Variants in KIAA0513 observed in about 807,000 individuals in gnomAD.
The protein encoded by KIAA0513 is KIAA0513.
A neutral mutation model predicts 56.5 loss-of-function variants in KIAA0513; 39 were observed. The observed-to-expected ratio is 0.69, with a 90% CI of 0.53 to 0.90. The LOEUF is 0.90. Ranked by LOEUF, KIAA0513 falls within the 40% of genes least tolerant of loss-of-function variation. The pLI is 0.00. For missense variants in KIAA0513, 591 were observed against 535.2 expected, an observed-to-expected ratio of 1.10 and a Z score of -1.03; for synonymous variants, 268 against 215.6, an observed-to-expected ratio of 1.24 and a Z score of -2.13.
intron 1 of KIAA0513, among the ~76,000 whole-genome samples, chr16:85,054,583 C>T (rs1298391177): frequency 6.6e-6 from 1 of 151,876 alleles, no homozygotes; most frequent in African/African-American, 2.4e-5. Context: ...GTGTGCACCA[C>T]CACACCTGGC....
rs1312373952 is a variant in KIAA0513, at chr16:85,032,308, G to A, written c.-173+4450G>A. ...TCTCCTCTTAAAAGGGCACCAGTCG[G>A]ATTGGACCTGGGGTCCACACTACTC... is the stretch of plus-strand genomic sequence containing the variant. On this transcript the variant is annotated intron_variant, in intron 1 of 12. Transcript: ENST00000683363. Among the ~76,000 whole-genome samples the A allele has an allele frequency of 9.2e-5, 14 of 152,338 alleles. No homozygotes were observed. In the South Asian group the frequency reaches 2.5e-3, roughly 27 times the overall value.
At chr16:85,049,202 T>TGGCTC (rs1432233401) in intron 1 of KIAA0513, among the ~76,000 whole-genome samples, 2 of 152,252 alleles carry the variant, frequency 1.3e-5, no homozygotes, top group African/African-American at 4.8e-5. Flanking sequence ...CAGACACTAG[T>TGGCTC]GGCTCTTGAG....
chr16:85,049,037 A>G (rs1457378480), intron 1 of KIAA0513, among the ~76,000 whole-genome samples: 1 of 152,230 alleles, frequency 6.6e-6, no homozygotes. Context: ...TGAAGACACC[A>G]ACACCGAGTG....
chr16:85,046,027 A>G (rs1267855957), intron 1 of KIAA0513, among the ~76,000 whole-genome samples: 1 of 152,144 alleles, frequency 6.6e-6, no homozygotes, highest in African/African-American at 2.4e-5. Context: ...GGGTCGTGCC[A>G]CAGCCCCTGG....
intron 1 of KIAA0513, among the ~76,000 whole-genome samples, chr16:85,049,757 T>C (rs577203929): frequency 6.6e-6 from 1 of 152,318 alleles, no homozygotes; most frequent in African/African-American, 2.4e-5. Flanking sequence ...ACCTTTGGTT[T>C]TATTCTTTAT....
At chr16:85,038,039 C>A (rs533779962) in intron 1 of KIAA0513, among the ~76,000 whole-genome samples, 2 of 152,332 alleles carry the variant, frequency 1.3e-5, no homozygotes, top group South Asian at 4.1e-4. Context: ...CCTCTAGTTG[C>A]TCCTGGGATG....
chr16:85,079,097 G>C (rs1174994992), intron 8 of KIAA0513, 94 bp downstream of exon 8: 10 of 1,593,086 alleles, frequency 6.3e-6, no homozygotes, highest in African/African-American at 1.3e-5. Context: ...GTCCCCATCA[G>C]AATGGCAGAA....
At chr16:85,061,868 A>G (rs1183292758) in intron 1 of KIAA0513, among the ~76,000 whole-genome samples, 1 of 152,154 alleles carries the variant, frequency 6.6e-6, no homozygotes, top group Non-Finnish European at 1.5e-5. Flanking sequence ...CCCCTCCAGA[A>G]TACAGACCGC....
chr16:85,064,872 A>G (rs2143999128), intron 1 of KIAA0513, among the ~76,000 whole-genome samples: 1 of 152,202 alleles, frequency 6.6e-6, no homozygotes, highest in Non-Finnish European at 1.5e-5. Context: ...TGTAGTAGAG[A>G]TGGGGTTTCA....
intron 1 of KIAA0513, among the ~76,000 whole-genome samples, chr16:85,033,724 C>A (rs188067912): frequency 3.3e-5 from 5 of 152,190 alleles, no homozygotes; most frequent in Admixed American, 3.3e-4. Context: ...TATCTGGTGA[C>A]TGGCACTGGC....
intron 6 of KIAA0513, among the ~76,000 whole-genome samples, chr16:85,077,911 TCTC>T (rs2073682662): frequency 6.6e-6 from 1 of 152,110 alleles, no homozygotes; most frequent in African/African-American, 2.4e-5. Context: ...CTCCCTTCTG[TCTC>T]CTCTGTCCCC....
At chr16:85,032,572 A>G (rs1482318350) in intron 1 of KIAA0513, among the ~76,000 whole-genome samples, 1 of 151,898 alleles carries the variant, frequency 6.6e-6, no homozygotes, top group African/African-American at 2.4e-5. Context: ...ACCTCAAGTG[A>G]TCCTCCTGCC....
At chr16:85,033,541 C>T (rs995018951) in intron 1 of KIAA0513, among the ~76,000 whole-genome samples, 5 of 152,166 alleles carry the variant, frequency 3.3e-5, no homozygotes, top group East Asian at 1.9e-4. Flanking sequence ...AGCCTCCTCC[C>T]GTGTGTAATT....
chr16:85,037,360 A>G (rs2073048725), intron 1 of KIAA0513, among the ~76,000 whole-genome samples: 1 of 152,146 alleles, frequency 6.6e-6, no homozygotes, highest in South Asian at 2.1e-4. Context: ...TCCTTGAGTC[A>G]GGGGATATCG....
Position 85,083,677 on chromosome 16 carries a change from AG to A in KIAA0513, c.1010+1086del, listed in dbSNP as rs889162544. 1.6e-4 allele frequency among the ~76,000 whole-genome samples: 24 copies of A among 152,272 alleles called. 1 individual carries two copies. The highest frequency in any genetic ancestry group is 1.4e-3 in the East Asian group (7 of 5,174). ...GCTGGCCTCTTGGGCCTTCTCACCG[AG>A]GCAGATTCGCTTTGACCACCCATAG... On this transcript the variant is annotated intron_variant, in intron 10 of 12. Coordinates refer to ENST00000683363, the MANE Select transcript of KIAA0513 (RefSeq NM_001388359.1).
chr16:85,054,828 C>T (rs184484954), intron 1 of KIAA0513, among the ~76,000 whole-genome samples: 98 of 152,174 alleles, frequency 6.4e-4, no homozygotes, highest in African/African-American at 2.3e-3. Flanking sequence ...AAGGGGATGG[C>T]AATGTTGTAC....
At chr16:85,079,487 C>T (rs555415084) in intron 8 of KIAA0513, 14 of 168,440 alleles carry the variant, frequency 8.3e-5, no homozygotes, top group South Asian at 1.6e-4. Flanking sequence ...TGCTGCTCCA[C>T]GCTGTAGCAG....
chr16:85,059,386 C>T (rs1186747661), intron 1 of KIAA0513, among the ~76,000 whole-genome samples: 1 of 152,224 alleles, frequency 6.6e-6, no homozygotes, highest in Non-Finnish European at 1.5e-5. Flanking sequence ...ACATTCTCAG[C>T]CCCTTGAGCT....
At chr16:85,051,025 G>C (rs909444150) in intron 1 of KIAA0513, among the ~76,000 whole-genome samples, 1 of 152,106 alleles carries the variant, frequency 6.6e-6, no homozygotes, top group Non-Finnish European at 1.5e-5. Context: ...CAGGCATGGT[G>C]GTGCAGCTAC....
Sources: gnomAD v4.1 joint callset for allele counts (sites outside exome capture counted in the v4.1 genomes callset) on GRCh38, gnomAD v4.1.1 for gene constraint, MANE v1.5 for transcripts, NCBI Gene and HGNC (gene_info 2026-07-23, HGNC 2026-07-21) for gene names.